SUPT3H: variants seen among roughly 807,000 people sequenced by gnomAD.
The protein encoded by SUPT3H is SPT3 homolog, SAGA and STAGA complex component.
SUPT3H carries 44 observed loss-of-function variants against 44.3 expected under a neutral mutation model. The ratio of observed to expected loss-of-function variants is 0.99; its 90% CI spans 0.78 to 1.28. The LOEUF (loss-of-function observed/expected upper bound fraction) is 1.28. Among genes scored for constraint, SUPT3H ranks in the 50% most tolerant of loss-of-function variants. The pLI is 0.00. For synonymous variants in SUPT3H, 124 were observed against 125.6 expected, an observed-to-expected ratio of 0.99 and a Z score of 0.09; for missense variants, 380 against 387.1, an observed-to-expected ratio of 0.98 and a Z score of 0.15.
rs564448474 is a variant in SUPT3H, at chr6:45,358,657, C to A, written c.101+6544G>T. Among the ~76,000 whole-genome samples the A allele has an allele frequency of 5.9e-5, 9 of 152,204 alleles. No homozygotes were observed. The South Asian group carries it at 1.9e-3, about 32-fold the overall frequency. Reference sequence around the variant, plus strand: ...TCATCTCATTTAATCTTCGTACTAACCCTGTGAGGTAGATACAGGTTCACA... The same window carrying A: ...TCATCTCATTTAATCTTCGTACTAAACCTGTGAGGTAGATACAGGTTCACA... On this transcript the variant is annotated intron_variant, in intron 2 of 10. Coordinates refer to ENST00000371459, the MANE Select transcript of SUPT3H (RefSeq NM_003599.4).
intron 2 of SUPT3H, among the ~76,000 whole-genome samples, chr6:45,282,949 G>T (rs915451192): frequency 6.6e-6 from 1 of 152,124 alleles, no homozygotes; most frequent in African/African-American, 2.4e-5. Context: ...TTAAGGAAAA[G>T]AATTTTTAAC....
chr6:44,977,467 A>C (rs1006154906), intron 6 of SUPT3H, among the ~76,000 whole-genome samples: 4 of 152,154 alleles, frequency 2.6e-5, no homozygotes, highest in Non-Finnish European at 2.9e-5. Flanking sequence ...TTTTTAAAAA[A>C]AATTTTTGAA....
At chr6:45,130,711 A>AAATT (rs1562519381) in intron 2 of SUPT3H, among the ~76,000 whole-genome samples, 2 of 56,208 alleles carry the variant, frequency 3.6e-5, no homozygotes, top group African/African-American at 7.0e-5. Context: ...AAAAAAAACC[A>AAATT]CTTTTTTTTT....
At chr6:45,108,757 A>G (rs2038765) in intron 2 of SUPT3H, among the ~76,000 whole-genome samples, 34,414 of 152,020 alleles carry the variant, frequency 0.23, 4,562 homozygotes, top group Non-Finnish European at 0.31. Flanking sequence ...TAAACCCTTT[A>G]AGAACCAGAT....
intron 10 of SUPT3H, among the ~76,000 whole-genome samples, chr6:44,921,077 C>T (rs1422191182): frequency 6.6e-6 from 1 of 152,172 alleles, no homozygotes; most frequent in Admixed American, 6.5e-5. Context: ...ACCTCCTTTG[C>T]TATATTTGGA....
At chr6:45,023,314 C>T (rs1478644275) in intron 3 of SUPT3H, among the ~76,000 whole-genome samples, 1 of 151,188 alleles carries the variant, frequency 6.6e-6, no homozygotes, top group African/African-American at 2.4e-5. Flanking sequence ...AAAGGGAACA[C>T]TTATACACTG....
intron 6 of SUPT3H, among the ~76,000 whole-genome samples, chr6:44,983,069 A>C (rs1382222744): frequency 6.6e-6 from 1 of 152,228 alleles, no homozygotes; most frequent in African/African-American, 2.4e-5. Context: ...AAGTATATCT[A>C]AGAGATTATG....
chr6:45,208,331 A>G (rs576527061), intron 2 of SUPT3H, among the ~76,000 whole-genome samples: 4 of 152,208 alleles, frequency 2.6e-5, no homozygotes, highest in Non-Finnish European at 5.9e-5. Flanking sequence ...CCATCTCCAT[A>G]ACATAAAAGT....
intron 3 of SUPT3H, among the ~76,000 whole-genome samples, chr6:45,100,115 A>G (rs1798342650): frequency 1.3e-5 from 2 of 152,196 alleles, no homozygotes; most frequent in African/African-American, 4.8e-5. Context: ...CTTAAAATCT[A>G]AGAACCAAAA....
chr6:44,857,456 T>C (rs1472535795), intron 10 of SUPT3H, among the ~76,000 whole-genome samples: 2 of 152,218 alleles, frequency 1.3e-5, no homozygotes, highest in African/African-American at 4.8e-5. Flanking sequence ...AAAAAATCCA[T>C]ATCAATTGGA....
intron 3 of SUPT3H, among the ~76,000 whole-genome samples, chr6:45,086,332 C>T (rs983058222): frequency 6.6e-6 from 1 of 151,918 alleles, no homozygotes; most frequent in African/African-American, 2.4e-5. Flanking sequence ...ACCTTTAAAC[C>T]TTATTACTAG....
intron 2 of SUPT3H, among the ~76,000 whole-genome samples, chr6:45,234,204 G>A (rs1768629578): frequency 6.6e-6 from 1 of 152,100 alleles, no homozygotes; most frequent in Non-Finnish European, 1.5e-5. Flanking sequence ...ATTGTCTGGA[G>A]TGAGTATCAG....
intron 3 of SUPT3H, among the ~76,000 whole-genome samples, chr6:45,036,351 G>A (rs915424527): frequency 1.3e-5 from 2 of 152,042 alleles, no homozygotes; most frequent in Non-Finnish European, 2.9e-5. Flanking sequence ...TTGGAGGAAA[G>A]GGAAGGAGCT....
At chr6:44,845,805 T>G (rs1188613533) in intron 10 of SUPT3H, among the ~76,000 whole-genome samples, 1 of 152,176 alleles carries the variant, frequency 6.6e-6, no homozygotes, top group Non-Finnish European at 1.5e-5. Flanking sequence ...GGCTCCCCTA[T>G]CTGCTGAGAG....
chr6:45,348,031 A>G (rs944936746), intron 2 of SUPT3H, among the ~76,000 whole-genome samples: 2 of 148,632 alleles, frequency 1.3e-5, no homozygotes, highest in South Asian at 2.1e-4. Flanking sequence ...ATGTGTACAC[A>G]TGTGTGGATA....
chr6:44,991,147 T>A (rs562172645), intron 6 of SUPT3H, among the ~76,000 whole-genome samples: 1 of 152,156 alleles, frequency 6.6e-6, no homozygotes, highest in Non-Finnish European at 1.5e-5. Context: ...TAAATATTTT[T>A]AAAAAATGAG....
At chr6:45,259,089 A>G (rs1290198571) in intron 2 of SUPT3H, among the ~76,000 whole-genome samples, 1 of 152,124 alleles carries the variant, frequency 6.6e-6, no homozygotes, top group Non-Finnish European at 1.5e-5. Context: ...TTATAATTTT[A>G]TACTTGTAAA....
intron 3 of SUPT3H, among the ~76,000 whole-genome samples, chr6:45,085,275 T>C (rs1031995882): frequency 2.0e-5 from 3 of 152,188 alleles, no homozygotes; most frequent in Non-Finnish European, 4.4e-5. Context: ...TTAAATATTC[T>C]GAAGCATCTC....
chr6:45,311,855 C>A (rs1204843201), intron 2 of SUPT3H, among the ~76,000 whole-genome samples: 6 of 152,108 alleles, frequency 3.9e-5, no homozygotes, highest in African/African-American at 1.4e-4. Context: ...AAAACAGAAT[C>A]TCTTTAAAGC....
Sources: allele counts gnomAD v4.1 joint callset (sites outside exome capture counted in the v4.1 genomes callset), GRCh38; gene constraint gnomAD v4.1.1; transcripts MANE v1.5; gene names NCBI Gene and HGNC (gene_info 2026-07-23, HGNC 2026-07-21).